WRAP53: variants seen among roughly 807,000 people sequenced by gnomAD.
WRAP53 encodes telomerase Cajal body protein 1.
WRAP53 carries 28 observed loss-of-function variants against 56.6 expected under a neutral mutation model. That is an observed-to-expected ratio of 0.50 (90% CI 0.37 to 0.68). The LOEUF is 0.68. Among genes scored for constraint, WRAP53 ranks in the 30% least tolerant of loss-of-function variants. The pLI is 0.00. For missense variants in WRAP53, 671 were observed against 715.5 expected (o/e 0.94, Z 0.71); for synonymous variants, 283 against 283.4 (o/e 1.00, Z 0.01).
intron 4 of WRAP53, among the ~76,000 whole-genome samples, chr17:7,692,963 G>A (rs1041039523): frequency 1.3e-5 from 2 of 151,070 alleles, no homozygotes; most frequent in East Asian, 3.9e-4. Context: ...CCATGGTCTC[G>A]ATCTCCTGAC....
chr17:7,692,310 T>A (rs539803382), intron 4 of WRAP53, among the ~76,000 whole-genome samples: 1 of 151,814 alleles, frequency 6.6e-6, no homozygotes, highest in South Asian at 2.1e-4. Context: ...TAAAACCCTG[T>A]CTCTACTCAA....
intron 4 of WRAP53, among the ~76,000 whole-genome samples, chr17:7,693,440 CG>C (rs2074141040): frequency 6.6e-6 from 1 of 152,106 alleles, no homozygotes; most frequent in Admixed American, 6.5e-5. Context: ...CACTTAAGGC[CG>C]GGTGCGGTGG....
At chr17:7,687,595 C>T (rs1428882924), upstream of WRAP53, 2 of 398,838 alleles carry the variant, frequency 5.0e-6, no homozygotes, top group Admixed American at 4.4e-5. Context: ...GTCGCCATGA[C>T]AAGTAAGGGC....
chr17:7,695,812 T>C (rs1158672842), intron 4 of WRAP53, among the ~76,000 whole-genome samples: 1 of 152,170 alleles, frequency 6.6e-6, no homozygotes, highest in East Asian at 1.9e-4. Flanking sequence ...GTCTGCCTAA[T>C]CTTCCTAATC....
In WRAP53 at chr17:7,688,640, C is replaced by G. The variant is rs781470763; in HGVS notation, c.-1-8C>G. 7 of 1,614,176 alleles carry G rather than the reference C, an allele frequency of 4.3e-6. No homozygotes were observed. The Admixed American group carries it at 1.0e-4, about 23-fold the overall frequency. On this transcript the variant is annotated splice_region_variant and splice_polypyrimidine_tract_variant and intron_variant, in intron 1 of 10. Transcript: ENST00000396463. ...CTGAGGCTAATCTCCGCTGTGCTTC[C>G]TCTGCAGTATGAAGACTTTGGAGAC...
chr17:7,693,499 G>A (rs1405551709), intron 4 of WRAP53, among the ~76,000 whole-genome samples: 3 of 151,938 alleles, frequency 2.0e-5, no homozygotes, highest in African/African-American at 4.8e-5. Context: ...CAGGTGGATC[G>A]CCTGAGGTCA....
At chr17:7,689,818 G>T (rs1051237705) in intron 4 of WRAP53, 117 bp downstream of exon 4, 1 of 831,564 alleles carries the variant, frequency 1.2e-6, no homozygotes, top group African/African-American at 1.7e-5. Context: ...TTTTCAAGAC[G>T]AGTTTCCACA....
At chr17:7,699,522 T>G (rs8065504) in intron 4 of WRAP53, among the ~76,000 whole-genome samples, 6 of 14,110 alleles carry the variant, frequency 4.3e-4, no homozygotes, top group African/African-American at 2.1e-3. Flanking sequence ...ATATATATAT[T>G]TATATATATA....
upstream of WRAP53, chr17:7,688,413 G>C: frequency 1.8e-6 from 1 of 567,782 alleles, no homozygotes; most frequent in Non-Finnish European, 3.1e-6. Context: ...CGGCCCAATC[G>C]GAAGGTGGAC....
At chr17:7,691,080 G>A (rs2074101160) in intron 4 of WRAP53, among the ~76,000 whole-genome samples, 1 of 151,788 alleles carries the variant, frequency 6.6e-6, no homozygotes, top group African/African-American at 2.4e-5. Flanking sequence ...GTGATGGTGG[G>A]TGCCTGTAAT....
At chr17:7,700,481 C>G (rs1344094128) in intron 4 of WRAP53, among the ~76,000 whole-genome samples, 1 of 145,974 alleles carries the variant, frequency 6.9e-6, no homozygotes, top group Non-Finnish European at 1.5e-5. Flanking sequence ...AACCCTGTCT[C>G]TATTAAAAAA....
intron 4 of WRAP53, among the ~76,000 whole-genome samples, chr17:7,691,493 G>A (rs1282296690): frequency 2.0e-5 from 3 of 150,192 alleles, no homozygotes; most frequent in East Asian, 4.0e-4. Flanking sequence ...GGATTCAAGC[G>A]ATTCTCCTGC....
intron 4 of WRAP53, among the ~76,000 whole-genome samples, chr17:7,699,476 T>TTATATATATATATATATATATATTTA (rs2074235370): frequency 8.8e-5 from 1 of 11,400 alleles, no homozygotes; most frequent in African/African-American, 5.5e-4. Context: ...ATATATATAT[T>TTATATATATATATATATATATATTTA]TATATATATA....
intron 4 of WRAP53, among the ~76,000 whole-genome samples, chr17:7,699,396 G>T (rs1386471020): frequency 7.1e-6 from 1 of 139,982 alleles, no homozygotes; most frequent in Middle Eastern, 3.5e-3. Flanking sequence ...ACTCAGCCTG[G>T]GTGACAGAGT....
Position 7,701,562 on chromosome 17 carries a change from A to G in WRAP53, c.822+13A>G, listed in dbSNP as rs761818772. 17 of 1,614,104 alleles carry G rather than the reference A, an allele frequency of 1.1e-5. 1 individual carries two copies. The highest frequency in any genetic ancestry group is 4.0e-5 in the African/African-American group (3 of 74,938). ...CTACAACCACCTGGTAGGGACCGCC[A>G]TACTCAGCCCCAGCACTCGTACTGG... On this transcript the variant is annotated intron_variant, in intron 6 of 10. Coordinates refer to ENST00000396463, the MANE Select transcript of WRAP53 (RefSeq NM_001143992.2). The surrounding 1 kb of genome is among the most constrained non-coding windows in gnomAD (Gnocchi z 4.2).
intron 4 of WRAP53, 49 bp downstream of exon 4, chr17:7,689,750 C>A: frequency 6.9e-7 from 1 of 1,455,332 alleles, no homozygotes; most frequent in Non-Finnish European, 9.6e-7. Context: ...ACATTTAAGT[C>A]CTTCGTGGAG....
At chr17:7,692,812 C>T (rs1160537709) in intron 4 of WRAP53, among the ~76,000 whole-genome samples, 11 of 132,220 alleles carry the variant, frequency 8.3e-5, no homozygotes, top group African/African-American at 1.5e-4. Flanking sequence ...AGTGCAGTGG[C>T]GCCATCTCAG....
At position 7,702,072 on chromosome 17, in the gene WRAP53, A is replaced by G. The variant is rs1433898068; in HGVS notation, c.956-272A>G. 1.4e-6 allele frequency: 1 copy of G among 721,570 alleles called. No homozygotes were observed. Among genetic ancestry groups the G allele is most frequent in the Non-Finnish European group, 2.5e-6 (1 of 407,246 alleles). 44.7% of individuals were successfully genotyped at this position (721,570 alleles called of 1,614,324 possible). ...AATCTTTCTAGAAAATTGTTGATAA[A>G]GCTGATTCCGTTTTCCTGTAGGCCT... On this transcript the variant is annotated intron_variant, in intron 7 of 10. Coordinates refer to ENST00000396463, the MANE Select transcript of WRAP53 (RefSeq NM_001143992.2). The surrounding 1 kb of genome is among the most constrained non-coding windows in gnomAD (Gnocchi z 5.0).
Position 7,703,264 on chromosome 17 carries a change from C to T in WRAP53, c.1425C>T (p.Leu475=). 2 of 1,613,764 alleles carry T rather than the reference C, an allele frequency of 1.2e-6. No individual in the cohort carries two copies. Among genetic ancestry groups the T allele is most frequent in the Non-Finnish European group, 1.7e-6 (2 of 1,180,032 alleles). The change falls in exon 11 of 11, where the codon CTC becomes CTT. Residue 475 remains leucine (L), a synonymous_variant. Transcript: ENST00000396463. ...TCAGCCTGCACCCTAGCCTGCCTCT[C>T]CTGGCCACTGCCTCCGGTCAGCGTG... ...NGVSLHPSLP[L]LATASGQRVF...
Sources: gnomAD v4.1 joint callset for allele counts (sites outside exome capture counted in the v4.1 genomes callset) on GRCh38, gnomAD v4.1.1 for gene constraint, Gnocchi (gnomAD v3.1) non-coding constraint, MANE v1.5 for transcripts, NCBI Gene and HGNC (gene_info 2026-07-23, HGNC 2026-07-21) for gene names.